Variants in STAT3 observed in about 807,000 individuals in gnomAD.
STAT3 encodes the protein signal transducer and activator of transcription 3.
Under a neutral mutation model 114.3 loss-of-function variants are expected in STAT3, and 7 were observed. The ratio of observed to expected loss-of-function variants is 0.06; its 90% CI spans 0.03 to 0.11. The LOEUF (loss-of-function observed/expected upper bound fraction) is 0.11, where lower values mean the gene tolerates loss of function less well. Ranked by LOEUF, STAT3 falls within the 10% of genes least tolerant of loss-of-function variation. STAT3 has a pLI of 1.00. For synonymous variants in STAT3, 331 were observed against 354.5 expected (o/e 0.93, Z 0.74); for missense variants, 364 against 960.9 (o/e 0.38, Z 8.21).
Position 42,313,704 on chromosome 17 carries a change from A to G in STAT3, c.*2041T>C, listed in dbSNP as rs2081155637. The G allele has an allele frequency of 8.6e-6, 2 of 232,902 alleles. No individual in the cohort carries two copies. The highest frequency in any genetic ancestry group is 4.4e-5 in the African/African-American group (2 of 45,296). The allele number at this position is 232,902 out of a possible 1,614,324, so 14.4% of individuals were successfully genotyped here. Reference sequence around the variant, plus strand: ...GAACTTGACAATATCTGCTCCAGAGAAGCCCTGAACCCTCGCCCTAGGTCC... The same window carrying G: ...GAACTTGACAATATCTGCTCCAGAGGAGCCCTGAACCCTCGCCCTAGGTCC... On this transcript the variant is annotated 3_prime_UTR_variant, in exon 24 of 24. Transcript: ENST00000264657.
intron 14 of STAT3, among the ~76,000 whole-genome samples, chr17:42,327,954 G>A (rs1055022748): frequency 4.0e-5 from 6 of 151,736 alleles, no homozygotes; most frequent in Non-Finnish European, 5.9e-5. Flanking sequence ...GCTGAGACAG[G>A]AGAATCGCTT....
At chr17:42,346,878 C>T (rs2082720556) in intron 2 of STAT3, among the ~76,000 whole-genome samples, 165 bp from the exon 3 acceptor site, 1 of 152,142 alleles carries the variant, frequency 6.6e-6, no homozygotes, top group Non-Finnish European at 1.5e-5. Context: ...AAAATGCCAT[C>T]AATGTAATAA....
intron 1 of STAT3, among the ~76,000 whole-genome samples, chr17:42,362,910 C>A (rs780318003): frequency 2.6e-5 from 4 of 152,198 alleles, no homozygotes; most frequent in Non-Finnish European, 5.9e-5. Flanking sequence ...GCCACTGGCC[C>A]TCACACATGC....
At chr17:42,327,502 T>G (rs1311622128) in intron 14 of STAT3, among the ~76,000 whole-genome samples, 2 of 152,200 alleles carry the variant, frequency 1.3e-5, no homozygotes, top group East Asian at 3.9e-4. Flanking sequence ...AATAATGTAT[T>G]CATTCTAATG....
chr17:42,362,345 G>A (rs1371814564), intron 1 of STAT3, among the ~76,000 whole-genome samples: 11 of 152,142 alleles, frequency 7.2e-5, no homozygotes, highest in Non-Finnish European at 2.9e-5. Flanking sequence ...GAAAAATCAG[G>A]CAGAAACATC....
At chr17:42,381,592 C>T (rs111824554) in intron 1 of STAT3, among the ~76,000 whole-genome samples, 6 of 151,670 alleles carry the variant, frequency 4.0e-5, no homozygotes, top group Non-Finnish European at 5.9e-5. Context: ...ATTAGCTGGG[C>T]GTGGTGGCGG....
In STAT3 at chr17:42,345,278, A is replaced by AG. The variant is rs1207398743; in HGVS notation, c.372+280_372+281insC. On this transcript the variant is annotated intron_variant, in intron 4 of 23. Transcript: ENST00000264657. The stretch of plus-strand genomic sequence containing the variant: ...AAAACTCTGTCTCAGAAAAAAAAAA[A>AG]AAGAAAAACAAAGAAAATTTGTCAG... 1.0e-5 allele frequency: 4 copies of AG among 390,326 alleles called. No individual in the cohort carries two copies. The East Asian group carries it at 2.2e-4, about 21-fold the overall frequency. 24.2% of individuals were successfully genotyped at this position (390,326 alleles called of 1,614,324 possible). A position where few individuals can be genotyped will look rare whatever the true frequency, so the allele number is the denominator to read the frequency against.
chr17:42,380,361 G>A (rs2084711679), intron 1 of STAT3, among the ~76,000 whole-genome samples: 1 of 150,048 alleles, frequency 6.7e-6, no homozygotes, highest in Non-Finnish European at 1.5e-5. Flanking sequence ...CTATGTATAA[G>A]CGTTACCACC....
chr17:42,319,100 C>T (rs1251204704), intron 21 of STAT3, among the ~76,000 whole-genome samples: 1 of 152,032 alleles, frequency 6.6e-6, no homozygotes, highest in African/African-American at 2.4e-5. Flanking sequence ...AATAGCTGGG[C>T]GTGGTGGCAC....
At chr17:42,366,159 CTT>C (rs1449725832) in intron 1 of STAT3, among the ~76,000 whole-genome samples, 1 of 152,144 alleles carries the variant, frequency 6.6e-6, no homozygotes, top group East Asian at 1.9e-4. Flanking sequence ...GCATGTCAAA[CTT>C]AATGTATCCA....
rs369044202 is a variant in STAT3, at chr17:42,334,053, C to A, written c.798-4G>T. ...AGATTCTGCTAATGACGTTATCCTG[C>A]CAATAAATTAAGAAAGATGCTAATT... On this transcript the variant is annotated splice_region_variant and splice_polypyrimidine_tract_variant and intron_variant, in intron 8 of 23. Coordinates refer to ENST00000264657, the MANE Select transcript of STAT3 (RefSeq NM_139276.3). The A allele has an allele frequency of 6.2e-7, 1 of 1,613,834 alleles. No individual in the cohort carries two copies. The highest frequency in any genetic ancestry group is 8.5e-7 in the Non-Finnish European group (1 of 1,179,996).
chr17:42,383,992 C>G (rs562457736), intron 1 of STAT3, among the ~76,000 whole-genome samples: 1 of 152,308 alleles, frequency 6.6e-6, no homozygotes, highest in Admixed American at 6.5e-5. Flanking sequence ...TCCCCTAGGG[C>G]AGAGGGCATA....
intron 1 of STAT3, among the ~76,000 whole-genome samples, chr17:42,364,736 G>A (rs1214030588): frequency 6.6e-6 from 1 of 152,112 alleles, no homozygotes; most frequent in Non-Finnish European, 1.5e-5. Context: ...GCCTGCCTTG[G>A]CCTCCCAAAG....
At chr17:42,355,055 A>G (rs937389508) in intron 1 of STAT3, among the ~76,000 whole-genome samples, 1 of 152,202 alleles carries the variant, frequency 6.6e-6, no homozygotes, top group Admixed American at 6.5e-5. Context: ...ATGACTAGCC[A>G]AAGTGTCTAG....
chr17:42,346,076 T>C (rs1363931485), intron 3 of STAT3, among the ~76,000 whole-genome samples: 1 of 152,036 alleles, frequency 6.6e-6, no homozygotes, highest in African/African-American at 2.4e-5. Flanking sequence ...TGGTGTCTTG[T>C]TATGTTGCCC....
rs2082092684 is a variant in STAT3, at chr17:42,333,123, A to G, written c.1049+550T>C. 6.6e-6 allele frequency among the ~76,000 whole-genome samples: 1 copy of G among 152,234 alleles called. No homozygotes were observed. Among genetic ancestry groups the G allele is most frequent in the African/African-American group, 2.4e-5 (1 of 41,468 alleles). On this transcript the variant is annotated intron_variant, in intron 10 of 23. Coordinates refer to ENST00000264657, the MANE Select transcript of STAT3 (RefSeq NM_139276.3). The surrounding 1 kb of genome is among the most constrained non-coding windows in gnomAD (Gnocchi z 5.2). ...TAATCAAAGCCATATAATGAAAAAT[A>G]TTACAGGAACACATGCTGTGCAGCT...
intron 1 of STAT3, among the ~76,000 whole-genome samples, chr17:42,381,211 T>C (rs1036412361): frequency 6.6e-6 from 1 of 152,272 alleles, no homozygotes; most frequent in African/African-American, 2.4e-5. Context: ...ACCAACCAAG[T>C]GTTTCAAAAC....
In STAT3 at chr17:42,323,331, G is replaced by A. The variant is rs753693925; in HGVS notation, c.1677C>T (p.Phe559=). ...FCKENMAGKG[F]SFWVWLDNII... is the part of the protein sequence containing the mutation. ...TATTGTCCAGCCAGACCCAGAAGGA[G>A]AAGCCCTTGCCAGCCATGTTTTCCT... Residue 559 remains phenylalanine (F), a synonymous_variant, in exon 19 of 24, where the codon TTC becomes TTT. Coordinates refer to ENST00000264657, the MANE Select transcript of STAT3 (RefSeq NM_139276.3). 3 of 1,614,198 alleles carry A rather than the reference G, an allele frequency of 1.9e-6. No individual in the cohort carries two copies. Among genetic ancestry groups the A allele is most frequent in the Non-Finnish European group, 2.5e-6 (3 of 1,180,036 alleles).
chr17:42,335,169 G>A (rs1263333789), intron 8 of STAT3, among the ~76,000 whole-genome samples: 1 of 151,142 alleles, frequency 6.6e-6, no homozygotes, highest in East Asian at 1.9e-4. Flanking sequence ...CTGTGGCCTA[G>A]TGCAGTGCAA....
Sources: allele counts gnomAD v4.1 joint callset (sites outside exome capture counted in the v4.1 genomes callset), GRCh38; gene constraint gnomAD v4.1.1; non-coding constraint Gnocchi (gnomAD v3.1); transcripts MANE v1.5; gene names NCBI Gene and HGNC (gene_info 2026-07-23, HGNC 2026-07-21).